Variants in MTFR2 observed in about 807,000 individuals in gnomAD.
MTFR2 encodes mitochondrial fission regulator 2.
A neutral mutation model predicts 41.2 loss-of-function variants in MTFR2; 44 were observed. That is an observed-to-expected ratio of 1.07 (90% CI 0.84 to 1.37). The LOEUF is 1.37. Ranked by LOEUF, MTFR2 falls within the 40% of genes most tolerant of loss-of-function variation. The probability of loss-of-function intolerance (pLI) is 0.00; values close to 1 mark genes in which losing one functional copy is unlikely to be tolerated. For missense variants in MTFR2, 452 were observed against 459.5 expected (o/e 0.98, Z 0.15); for synonymous variants, 141 against 154.6 (o/e 0.91, Z 0.65).
intron 2 of MTFR2, 103 bp from the exon 3 acceptor site, chr6:136,244,972 A>ATT (rs548108727): frequency 7.3e-6 from 5 of 687,238 alleles, no homozygotes; most frequent in Admixed American, 3.3e-5. Context: ...ACGCAGTGGC[A>ATT]TTTTTTTTTT....
At chr6:136,244,338 A>C (rs948208243) in intron 3 of MTFR2, among the ~76,000 whole-genome samples, 2 of 152,166 alleles carry the variant, frequency 1.3e-5, no homozygotes, top group Non-Finnish European at 2.9e-5. Context: ...TTGTTACCAT[A>C]CTTTTTCTAT....
chr6:136,236,656 G>A (rs1037028183), intron 6 of MTFR2, among the ~76,000 whole-genome samples: 2 of 151,896 alleles, frequency 1.3e-5, no homozygotes, highest in African/African-American at 4.8e-5. Flanking sequence ...TCTTCCTGTG[G>A]TTACTGGTTT....
chr6:136,248,959 G>A (rs1484220605), intron 2 of MTFR2, 78 bp downstream of exon 2: 8 of 1,299,176 alleles, frequency 6.2e-6, no homozygotes, highest in Non-Finnish European at 7.5e-6. Context: ...TAAATCAAAT[G>A]ATTACATATA....
chr6:136,239,524 G>A lies in MTFR2; in HGVS notation c.811C>T (p.Pro271Ser). 1 of 1,614,100 alleles carries A rather than the reference G, an allele frequency of 6.2e-7. No homozygotes were observed. Among genetic ancestry groups the A allele is most frequent in the East Asian group, 2.2e-5 (1 of 44,892 alleles). Residue 271 changes from proline to serine, a missense_variant, in exon 6 of 8, where the codon CCA (proline) becomes TCA (serine). By Grantham distance (74) the Pro-to-Ser change is moderately conservative. Transcript: ENST00000420702. ...TCCTTTAGAACGTCCAACATGTTTG[G>A]AATATCTTTATTTCTCTGGCTTTTT... ...HSKSQRNKDI[P>S]NMLDVLKDMN...
At chr6:136,235,004 C>T (rs1779867576) in intron 6 of MTFR2, among the ~76,000 whole-genome samples, 1 of 152,218 alleles carries the variant, frequency 6.6e-6, no homozygotes, top group South Asian at 2.1e-4. Flanking sequence ...AATTCTCCTG[C>T]CTCAGCCTCC....
At chr6:136,232,251 CTT>C (rs1779780859) in intron 7 of MTFR2, among the ~76,000 whole-genome samples, 2 of 152,042 alleles carry the variant, frequency 1.3e-5, no homozygotes, top group Non-Finnish European at 2.9e-5. Context: ...CTGTTACACT[CTT>C]TTTCTTTTTT....
intron 4 of MTFR2, among the ~76,000 whole-genome samples, chr6:136,242,079 C>CA (rs548176168): frequency 0.13 from 2,213 of 17,346 alleles, 332 homozygotes; most frequent in Non-Finnish European, 0.2. Context: ...GACTCTGTCT[C>CA]AAAAAAAAAA....
chr6:136,242,773 C>A, intron 4 of MTFR2, 88 bp downstream of exon 4: 1 of 981,336 alleles, frequency 1.0e-6, no homozygotes, highest in Non-Finnish European at 1.5e-6. Context: ...ATAAACAAAA[C>A]AAAAAAGCTC....
intron 7 of MTFR2, among the ~76,000 whole-genome samples, chr6:136,232,811 A>T (rs973871500): frequency 6.6e-6 from 1 of 152,246 alleles, no homozygotes; most frequent in Non-Finnish European, 1.5e-5. Context: ...AATGCTTAAA[A>T]TCCAGTGTTT....
At position 136,233,392 on chromosome 6, in the gene MTFR2, T is replaced by C. The variant is rs1213234935; in HGVS notation, c.977A>G (p.Asp326Gly). 2 of 1,612,312 alleles carry C rather than the reference T, an allele frequency of 1.2e-6. No homozygotes were observed. Among genetic ancestry groups the C allele is most frequent in the South Asian group, 1.1e-5 (1 of 90,806 alleles). Residue 326 changes from aspartate to glycine, a missense_variant, in exon 7 of 8, where the codon GAT (aspartate) becomes GGT (glycine). By Grantham distance (94) the Asp-to-Gly change is moderately conservative. Coordinates refer to ENST00000420702, the MANE Select transcript of MTFR2 (RefSeq NM_001099286.3). ...ALKQKFAFQEDDSFEKENRSW... is the reference protein window; with the variant it reads ...ALKQKFAFQEGDSFEKENRSW... ...TCTATTCTCTTTCTCAAAAGAATCA[T>C]CTTCTTGAAATGCAAATTTCTGTTT...
chr6:136,231,415 G>T lies in MTFR2; in HGVS notation c.1045-27C>A, dbSNP rs115367796. ...TGAAATAAAGCAAATATTTAACACA[G>T]AAATTATTCTAATGTCAAAAAAAAA... On this transcript the variant is annotated intron_variant, in intron 7 of 7. Transcript: ENST00000420702. 1.0e-3 allele frequency: 1,390 copies of T among 1,369,848 alleles called. 14 individuals are homozygous for T. The African/African-American group carries it at 0.017, about 17-fold the overall frequency. The allele number at this position is 1,369,848 out of a possible 1,614,324, so 84.9% of individuals were successfully genotyped here.
At chr6:136,240,260 T>G (rs946375479) in intron 5 of MTFR2, among the ~76,000 whole-genome samples, 1 of 152,128 alleles carries the variant, frequency 6.6e-6, no homozygotes. Flanking sequence ...TACTGAGTAT[T>G]TAACTTTTCC....
In MTFR2 at chr6:136,240,888, G is replaced by C. The variant is rs7752996; in HGVS notation, c.514+556C>G. On this transcript the variant is annotated intron_variant, in intron 5 of 7. Transcript: ENST00000420702. ...GGGCAGATCACGAGGTCAGGAGATC[G>C]AGACCATCCTGGCTAACACGGTGAA... Among the ~76,000 whole-genome samples, 233 of 141,328 alleles carry C rather than the reference G, an allele frequency of 1.6e-3. 1 individual carries two copies. The highest frequency in any genetic ancestry group is 7.0e-3 in the African/African-American group (220 of 31,580). 92.7% of individuals were successfully genotyped at this position (141,328 alleles called of 152,430 possible). A position where few individuals can be genotyped will look rare whatever the true frequency, so the allele number is the denominator to read the frequency against.
chr6:136,238,625 G>A (rs1779966952), intron 6 of MTFR2, among the ~76,000 whole-genome samples: 1 of 151,534 alleles, frequency 6.6e-6, no homozygotes, highest in Admixed American at 6.6e-5. Flanking sequence ...TAACGATACT[G>A]TATTATACAC....
intron 4 of MTFR2, among the ~76,000 whole-genome samples, 166 bp downstream of exon 4, chr6:136,242,695 C>T (rs1482162334): frequency 1.3e-5 from 2 of 151,896 alleles, no homozygotes; most frequent in Non-Finnish European, 2.9e-5. Flanking sequence ...AAACAACTGG[C>T]TAAAAAAATG....
chr6:136,241,733 T>TTATACCTCTTTTG, intron 4 of MTFR2, 57 bp from the exon 5 acceptor site: 1 of 1,311,498 alleles, frequency 7.6e-7, no homozygotes, highest in Non-Finnish European at 1.1e-6. Flanking sequence ...TCAAAAGAGG[T>TTATACCTCTTTTG]ATAAACTCTT....
chr6:136,249,239 C>G, intron 1 of MTFR2, 86 bp from the exon 2 acceptor site: 1 of 558,846 alleles, frequency 1.8e-6, no homozygotes, highest in African/African-American at 2.0e-5. Context: ...TCTTGATACA[C>G]GACACAGTCA....
At chr6:136,234,539 G>A (rs985220455) in intron 6 of MTFR2, among the ~76,000 whole-genome samples, 1 of 152,110 alleles carries the variant, frequency 6.6e-6, no homozygotes, top group Admixed American at 6.6e-5. Context: ...GGAGTGCAGT[G>A]GGCAAACATG....
rs746946752 is a variant in MTFR2, at chr6:136,239,707, G to A, written c.628C>T (p.Pro210Ser). 1.9e-6 allele frequency: 3 copies of A among 1,614,122 alleles called. No homozygotes were observed. Among genetic ancestry groups the A allele is most frequent in the African/African-American group, 1.3e-5 (1 of 75,022 alleles). ...QLPGSVLSPPPPPPLPPQFSS... is the reference protein window; with the variant it reads ...QLPGSVLSPPSPPPLPPQFSS... ...AACTGAGGAGGAAGTGGTGGAGGAG[G>A]AGGAGGAGAAAGCACTGAACCTGGA... The change falls in exon 6 of 8, where the codon CCT becomes TCT. Residue 210 changes from proline to serine, a missense_variant. Coordinates refer to ENST00000420702, the MANE Select transcript of MTFR2 (RefSeq NM_001099286.3).
Sources: gnomAD v4.1 joint callset for allele counts (sites outside exome capture counted in the v4.1 genomes callset) on GRCh38, gnomAD v4.1.1 for gene constraint, MANE v1.5 for transcripts, NCBI Gene and HGNC (gene_info 2026-07-23, HGNC 2026-07-21) for gene names.